STX3: variants seen among roughly 807,000 people sequenced by gnomAD.
STX3 encodes the protein syntaxin 3.
Under a neutral mutation model 40.2 loss-of-function variants are expected in STX3, and 19 were observed. That is an observed-to-expected ratio of 0.47 (90% CI 0.33 to 0.69). The LOEUF (loss-of-function observed/expected upper bound fraction) is 0.69. Ranked by LOEUF, STX3 falls within the 30% of genes least tolerant of loss-of-function variation. The pLI, the probability that STX3 is intolerant of heterozygous loss-of-function variation, is 0.02. For missense variants in STX3, 364 were observed against 366.7 expected (o/e 0.99, Z 0.06); for synonymous variants, 122 against 132.2 (o/e 0.92, Z 0.53).
intron 10 of STX3, among the ~76,000 whole-genome samples, chr11:59,797,876 T>G (rs504954): frequency 0.012 from 1,766 of 152,352 alleles, 37 homozygotes; most frequent in African/African-American, 0.04. Flanking sequence ...GGGTCTTAAA[T>G]GATGATAGTT....
intron 3 of STX3, among the ~76,000 whole-genome samples, chr11:59,788,025 C>T (rs1351772723): frequency 2.0e-5 from 3 of 152,228 alleles, no homozygotes; most frequent in Non-Finnish European, 2.9e-5. Context: ...CTGCTTCCCA[C>T]GCTTCAGCCA....
At chr11:59,756,445 A>G (rs150132167) in intron 1 of STX3, among the ~76,000 whole-genome samples, 252 of 152,336 alleles carry the variant, frequency 1.7e-3, no homozygotes, top group African/African-American at 5.7e-3. Context: ...AGTGTATTCT[A>G]TGGGGAGGTC....
At chr11:59,797,128 C>T (rs1865567007) in intron 9 of STX3, among the ~76,000 whole-genome samples, 155 bp from the exon 10 acceptor site, 1 of 152,080 alleles carries the variant, frequency 6.6e-6, no homozygotes, top group African/African-American at 2.4e-5. Flanking sequence ...AATGAAGTAT[C>T]CTAGAAGGAT....
chr11:59,763,021 G>A lies in STX3; in HGVS notation c.30+7386G>A, dbSNP rs145505670. Among the ~76,000 whole-genome samples, 47 of 152,304 alleles carry A rather than the reference G, an allele frequency of 3.1e-4. No individual in the cohort carries two copies. In the East Asian group the frequency reaches 8.3e-3, roughly 27 times the overall value. ...GGTTGGGCACTGCGTCTTCTCTTGG[G>A]TGTGTAATTCCTTGGGCTAAAGCAC... On this transcript the variant is annotated intron_variant, in intron 1 of 10. Coordinates refer to ENST00000337979, the MANE Select transcript of STX3 (RefSeq NM_004177.5).
chr11:59,776,737 T>C (rs1338606211), intron 2 of STX3, among the ~76,000 whole-genome samples: 1 of 152,246 alleles, frequency 6.6e-6, no homozygotes, highest in Non-Finnish European at 1.5e-5. Context: ...GAATGTGATT[T>C]GCACTGTCAG....
intron 10 of STX3, chr11:59,799,852 C>T: frequency 6.1e-6 from 6 of 985,294 alleles, no homozygotes; most frequent in Non-Finnish European, 6.0e-6. Context: ...CACTTGGAGT[C>T]TAGCCCTTGA....
At chr11:59,785,223 A>T (rs1265260489) in intron 2 of STX3, among the ~76,000 whole-genome samples, 5 of 152,210 alleles carry the variant, frequency 3.3e-5, no homozygotes, top group Non-Finnish European at 2.9e-5. Flanking sequence ...TGGCACATCT[A>T]AGCCAATATA....
In STX3 at chr11:59,802,651, CTTGA is replaced by C; in HGVS notation, c.*1830_*1833del. On this transcript the variant is annotated 3_prime_UTR_variant, in exon 11 of 11. Transcript: ENST00000337979. ...GTTGTTTGTATTTTTTAGATGTAAA[CTTGA>C]TTATTTTATTGCTAATTTAAAAATA... 1 of 985,624 alleles carries C rather than the reference CTTGA, an allele frequency of 1.0e-6. No homozygotes were observed. Among genetic ancestry groups the C allele is most frequent in the Admixed American group, 6.1e-5 (1 of 16,278 alleles). 61.1% of individuals were successfully genotyped at this position (985,624 alleles called of 1,614,324 possible).
Position 59,797,326 on chromosome 11 carries a change from T to C in STX3, c.830T>C (p.Ile277Thr), listed in dbSNP as rs371407994. The change falls in exon 10 of 11, where the codon ATT becomes ACT. Residue 277 changes from isoleucine (I) to threonine (T), a missense_variant. Ile to Thr is a moderately conservative substitution (Grantham distance 89). Coordinates refer to ENST00000337979, the MANE Select transcript of STX3 (RefSeq NM_004177.5). ...IIVLVVVLLG[I>T]LALIIGLSVG... Reference sequence around the variant, plus strand: ...GTGCTAGTAGTTGTGTTGCTGGGCATTTTAGCATTGATTATTGGACTTTCC... The same window carrying C: ...GTGCTAGTAGTTGTGTTGCTGGGCACTTTAGCATTGATTATTGGACTTTCC... The C allele has an allele frequency of 2.5e-6, 4 of 1,614,050 alleles. No individual in the cohort carries two copies. Among genetic ancestry groups the C allele is most frequent in the Non-Finnish European group, 2.5e-6 (3 of 1,180,014 alleles).
chr11:59,767,874 C>T (rs754962820), intron 1 of STX3, among the ~76,000 whole-genome samples: 15 of 152,114 alleles, frequency 9.9e-5, no homozygotes, highest in Non-Finnish European at 1.9e-4. Context: ...TCAACCTCAA[C>T]GTTTCCCTTT....
In STX3 at chr11:59,755,557, C is replaced by T. The variant is rs375908830; in HGVS notation, c.-49C>T. 1.9e-6 allele frequency: 3 copies of T among 1,579,438 alleles called. No individual in the cohort carries two copies. The highest frequency in any genetic ancestry group is 2.6e-6 in the Non-Finnish European group (3 of 1,168,514). Reference sequence around the variant, plus strand: ...TCACCTGGGAAGCGCTCACCTGGGACGCGCTCACCTGGGACGCGCTACCTG... The same window carrying T: ...TCACCTGGGAAGCGCTCACCTGGGATGCGCTCACCTGGGACGCGCTACCTG... On this transcript the variant is annotated 5_prime_UTR_variant, in exon 1 of 11. The change creates a new upstream start codon in the 5' untranslated region. Coordinates refer to ENST00000337979, the MANE Select transcript of STX3 (RefSeq NM_004177.5).
At chr11:59,760,586 C>T (rs1862979447) in intron 1 of STX3, among the ~76,000 whole-genome samples, 1 of 152,130 alleles carries the variant, frequency 6.6e-6, no homozygotes, top group African/African-American at 2.4e-5. Context: ...ACAATAACAA[C>T]AATCATTTAT....
chr11:59,786,760 C>T (rs1001293158), intron 2 of STX3, among the ~76,000 whole-genome samples: 4 of 152,068 alleles, frequency 2.6e-5, no homozygotes, highest in African/African-American at 9.7e-5. Flanking sequence ...TTTCTTAGCT[C>T]TTCTTGACTT....
chr11:59,785,869 T>A (rs1458355324), intron 2 of STX3, among the ~76,000 whole-genome samples: 1 of 152,190 alleles, frequency 6.6e-6, no homozygotes, highest in Non-Finnish European at 1.5e-5. Flanking sequence ...TGCTGAGGTC[T>A]CTCCTTCCTG....
chr11:59,773,977 C>A (rs1206102400), intron 2 of STX3, among the ~76,000 whole-genome samples: 37 of 81,238 alleles, frequency 4.6e-4, no homozygotes, highest in Non-Finnish European at 6.3e-4. Flanking sequence ...CTCACACACA[C>A]AAAAAAAAAA....
At chr11:59,795,668 G>A (rs1448959394) in intron 9 of STX3, 186 bp downstream of exon 9, 3 of 1,537,238 alleles carry the variant, frequency 2.0e-6, no homozygotes, top group Non-Finnish European at 2.6e-6. Flanking sequence ...GCGGGCCGTG[G>A]CAGATACCAA....
At chr11:59,761,136 G>A (rs1863011091) in intron 1 of STX3, among the ~76,000 whole-genome samples, 1 of 152,154 alleles carries the variant, frequency 6.6e-6, no homozygotes, top group Non-Finnish European at 1.5e-5. Flanking sequence ...CCCCAAGGAC[G>A]GAGTTCCAAG....
In STX3 at chr11:59,793,382, C is replaced by T; in HGVS notation, c.543C>T (p.Ile181=). The T allele has an allele frequency of 6.2e-7, 1 of 1,613,560 alleles. No individual in the cohort carries two copies. Residue 181 remains isoleucine, a splice_region_variant and synonymous_variant, in exon 8 of 11, where the codon ATC becomes ATT. Coordinates refer to ENST00000337979, the MANE Select transcript of STX3 (RefSeq NM_004177.5). ...SGNPAIFTSG[I]IDSQISKQAL... ...AGTCTGTGTGTGGCCTGTTGTAGAT[C>T]ATTGACTCACAGATTTCCAAGCAAG...
At position 59,795,393 on chromosome 11, in the gene STX3, G is replaced by C; in HGVS notation, c.697G>C (p.Glu233Gln). The change falls in exon 9 of 11, where the codon GAG becomes CAG. Residue 233 changes from glutamate (E) to glutamine (Q), a missense_variant. Coordinates refer to ENST00000337979, the MANE Select transcript of STX3 (RefSeq NM_004177.5). ...ENQGEMLDNI[E>Q]LNVMHTVDHV... ...GCAGGGTGAGATGTTAGATAACATAGAGTTGAATGTCATGCACACAGTGGA... is the reference window on the plus strand; with the variant it reads ...GCAGGGTGAGATGTTAGATAACATACAGTTGAATGTCATGCACACAGTGGA... 1 of 1,613,316 alleles carries C rather than the reference G, an allele frequency of 6.2e-7. No individual in the cohort carries two copies. Among genetic ancestry groups the C allele is most frequent in the Non-Finnish European group, 8.5e-7 (1 of 1,179,744 alleles).
Sources: gnomAD v4.1 joint callset for allele counts (sites outside exome capture counted in the v4.1 genomes callset) on GRCh38, gnomAD v4.1.1 for gene constraint, MANE v1.5 for transcripts, NCBI Gene and HGNC (gene_info 2026-07-23, HGNC 2026-07-21) for gene names.